POMGNT1: variants seen among roughly 807,000 people sequenced by gnomAD.
The protein encoded by POMGNT1 is protein O-linked-mannose beta-1,2-N-acetylglucosaminyltransferase 1.
A neutral mutation model predicts 95.6 loss-of-function variants in POMGNT1; 67 were observed. The ratio of observed to expected loss-of-function variants is 0.70; its 90% CI spans 0.58 to 0.86. POMGNT1 has a LOEUF of 0.86. Among genes scored for constraint, POMGNT1 ranks in the 40% least tolerant of loss-of-function variants. The probability of loss-of-function intolerance (pLI) is 0.00; values close to 1 mark genes in which losing one functional copy is unlikely to be tolerated. For missense variants in POMGNT1, 719 were observed against 855.2 expected (o/e 0.84, Z 1.99); for synonymous variants, 298 against 317.9 (o/e 0.94, Z 0.66).
At chr1:46,198,543 G>GGCGGCA (rs1553164444), upstream of POMGNT1, 56 of 84,082 alleles carry the variant, frequency 6.7e-4, no homozygotes, top group Admixed American at 9.7e-4. Context: ...CGGCGGCGGT[G>GGCGGCA]GCGGCAGCGG....
chr1:46,203,116 TG>T (rs1307937854), upstream of POMGNT1, among the ~76,000 whole-genome samples: 1 of 152,228 alleles, frequency 6.6e-6, no homozygotes, highest in East Asian at 1.9e-4. Flanking sequence ...GGGCGCCTGC[TG>T]TGTGCCTGGC....
Position 46,194,623 on chromosome 1 carries a change from T to C in POMGNT1, c.681A>G (p.Lys227=), listed in dbSNP as rs2292487. The stretch of plus-strand genomic sequence containing the variant: ...CCCCCCAGGAAGAGAGGGCAGGTGA[T>C]TTAGAATGTTTCTCCCCGAAGACAG... ...GGPVFGEKHS[K]SPALSSWGDP... Residue 227 remains lysine (K), a synonymous_variant, in exon 8 of 22, where the codon AAA becomes AAG. Transcript: ENST00000371984. The C allele has an allele frequency of 0.35, 571,338 of 1,613,968 alleles. 103,172 individuals are homozygous for C. The highest frequency in any genetic ancestry group is 0.45 in the South Asian group (40,875 of 91,078).
chr1:46,216,744 G>A (rs761032789), intron 1 of POMGNT1, among the ~76,000 whole-genome samples: 18 of 152,086 alleles, frequency 1.2e-4, no homozygotes, highest in Non-Finnish European at 2.1e-4. Context: ...CATCACCCAG[G>A]AAGTGAGCAT....
chr1:46,208,090 C>A (rs1296925576), intron 1 of POMGNT1, among the ~76,000 whole-genome samples: 1 of 150,978 alleles, frequency 6.6e-6, no homozygotes, highest in African/African-American at 2.4e-5. Flanking sequence ...GAACTCCTGG[C>A]CTCAAGTGAT....
chr1:46,219,987 G>A, exon 1 of POMGNT1: 1 of 1,614,250 alleles, frequency 6.2e-7, no homozygotes, highest in Non-Finnish European at 8.5e-7. Flanking sequence ...GGGCCCACCT[G>A]GGGCTCCACG....
rs138950267 is a variant in POMGNT1 at position 46,197,076 on chromosome 1, G to A, written c.129C>T (p.Ala43=). The change falls in exon 3 of 22, where the codon GCC becomes GCT. Residue 43 remains alanine (A), a synonymous_variant. Coordinates refer to ENST00000371984, the MANE Select transcript of POMGNT1 (RefSeq NM_017739.4). The part of the protein sequence containing the change: ...RALRRFCQTG[A]VLFLLVTVIV... The stretch of plus-strand genomic sequence containing the variant: ...TGACAGTCACCAGCAGGAAAAGCAC[G>A]GCCCCTGTCTGAGGGGAGGGGTAGG... The A allele has an allele frequency of 2.9e-5, 47 of 1,614,024 alleles. No individual in the cohort carries two copies. Among genetic ancestry groups the A allele is most frequent in the Admixed American group, 2.0e-4 (12 of 60,004 alleles).
chr1:46,192,231 A>C lies in POMGNT1; in HGVS notation c.1414-8T>G. The stretch of plus-strand genomic sequence containing the variant: ...CATGTCCCAATCCCAGAGCTGGCAG[A>C]CATGGACCACGATGAAGGTTAAGAT... On this transcript the variant is annotated splice_region_variant and splice_polypyrimidine_tract_variant and intron_variant, in intron 16 of 21. Coordinates refer to ENST00000371984, the MANE Select transcript of POMGNT1 (RefSeq NM_017739.4). 1 of 1,614,236 alleles carries C rather than the reference A, an allele frequency of 6.2e-7. No individual in the cohort carries two copies. The highest frequency in any genetic ancestry group is 8.5e-7 in the Non-Finnish European group (1 of 1,180,046).
chr1:46,189,702 T>G, intron 20 of POMGNT1, 135 bp from the exon 21 acceptor site: 1 of 1,547,920 alleles, frequency 6.5e-7, no homozygotes, highest in Non-Finnish European at 8.7e-7. Flanking sequence ...TTTTAGAATA[T>G]GAATTTGGAC....
intron 1 of POMGNT1, among the ~76,000 whole-genome samples, chr1:46,210,443 G>A (rs1242887238): frequency 6.6e-6 from 1 of 152,180 alleles, no homozygotes; most frequent in Admixed American, 6.5e-5. Flanking sequence ...TGGAGACAGT[G>A]TCACATCCCA....
intron 1 of POMGNT1, among the ~76,000 whole-genome samples, chr1:46,204,614 G>T (rs771399400): frequency 8.5e-5 from 13 of 152,190 alleles, no homozygotes; most frequent in Non-Finnish European, 1.9e-4. Flanking sequence ...ACCAGCCAGG[G>T]CTCCGACGCC....
intron 1 of POMGNT1, chr1:46,203,673 C>T (rs1250248502): frequency 1.3e-6 from 2 of 1,544,820 alleles, no homozygotes; most frequent in African/African-American, 1.4e-5. Context: ...AGTGTAGGGC[C>T]GGGAGGGACG....
At chr1:46,214,876 A>AG (rs1349886930) in intron 1 of POMGNT1, among the ~76,000 whole-genome samples, 4 of 141,576 alleles carry the variant, frequency 2.8e-5, no homozygotes, top group Admixed American at 2.1e-4. Context: ...TCAAAAAAAA[A>AG]AAAAAAAAAA....
chr1:46,203,372 C>T (rs1422841973), upstream of POMGNT1: 1 of 1,426,444 alleles, frequency 7.0e-7, no homozygotes, highest in Non-Finnish European at 9.2e-7. Context: ...GGGAGGACCC[C>T]CGGGAGCCGG....
At chr1:46,203,367 G>A (rs1557681936), upstream of POMGNT1, 11 of 1,410,582 alleles carry the variant, frequency 7.8e-6, no homozygotes, top group Non-Finnish European at 1.0e-5. Flanking sequence ...GCGAAGGGAG[G>A]ACCCCCGGGA....
Position 46,196,644 on chromosome 1 carries a change from T to C in POMGNT1, c.354+87A>G. 1.2e-6 allele frequency: 2 copies of C among 1,608,502 alleles called. No homozygotes were observed. The highest frequency in any genetic ancestry group is 1.1e-5 in the South Asian group (1 of 90,668). On this transcript the variant is annotated intron_variant, in intron 4 of 21. Transcript: ENST00000371984. This position sits in a 1 kb window ranked among gnomAD's most constrained non-coding sequence, Gnocchi z 4.4. ...CAGCTAGAAACTGGCAGAGTTGCAGTTCCCACTTAGGCAGTAGACCCTGCT... is the reference window on the plus strand; with the variant it reads ...CAGCTAGAAACTGGCAGAGTTGCAGCTCCCACTTAGGCAGTAGACCCTGCT...
exon 1 of POMGNT1, chr1:46,219,993 C>T (rs752046992): frequency 1.2e-6 from 2 of 1,614,238 alleles, no homozygotes; most frequent in South Asian, 1.1e-5. Context: ...ACCTGGGGCT[C>T]CACGTTCCGA....
At chr1:46,220,042 C>T in exon 1 of POMGNT1, 6 of 1,614,216 alleles carry the variant, frequency 3.7e-6, no homozygotes, top group Non-Finnish European at 5.1e-6. Flanking sequence ...GGAGAGAGGG[C>T]CAGGACTGAG....
chr1:46,211,480 C>CACAG (rs1557684808), intron 1 of POMGNT1, among the ~76,000 whole-genome samples: 56 of 151,168 alleles, frequency 3.7e-4, no homozygotes, highest in Admixed American at 3.9e-4. Flanking sequence ...CACACACACA[C>CACAG]AGTAATATCA....
intron 1 of POMGNT1, among the ~76,000 whole-genome samples, chr1:46,207,590 G>A (rs976804040): frequency 6.6e-6 from 1 of 151,166 alleles, no homozygotes; most frequent in African/African-American, 2.4e-5. Flanking sequence ...CCAGGCTGGA[G>A]TGCAGTGGTG....
Sources: gnomAD v4.1 joint callset for allele counts (sites outside exome capture counted in the v4.1 genomes callset) on GRCh38, gnomAD v4.1.1 for gene constraint, Gnocchi (gnomAD v3.1) non-coding constraint, MANE v1.5 for transcripts, NCBI Gene and HGNC (gene_info 2026-07-23, HGNC 2026-07-21) for gene names.